Variants in MAGI2 observed in about 807,000 individuals in gnomAD.
MAGI2 encodes membrane-associated guanylate kinase, WW and PDZ domain-containing protein 2.
A neutral mutation model predicts 133.3 loss-of-function variants in MAGI2; 35 were observed. The observed-to-expected ratio is 0.26, with a 90% CI of 0.20 to 0.35. The LOEUF (loss-of-function observed/expected upper bound fraction) is 0.35, where lower values mean the gene tolerates loss of function less well. Ranked by LOEUF, MAGI2 falls within the 10% of genes least tolerant of loss-of-function variation. The pLI, the probability that MAGI2 is intolerant of heterozygous loss-of-function variation, is 1.00. For missense variants in MAGI2, 1,636 were observed against 1,863.4 expected (o/e 0.88, Z 2.25); for synonymous variants, 729 against 710.6 (o/e 1.03, Z -0.41).
chr7:79,336,300 T>A (rs1840435179), intron 1 of MAGI2, among the ~76,000 whole-genome samples: 1 of 152,084 alleles, frequency 6.6e-6, no homozygotes, highest in South Asian at 2.1e-4. Context: ...CTGACAGGAT[T>A]TGAGGCTTAT....
chr7:79,034,912 T>C (rs1810967962), intron 1 of MAGI2, among the ~76,000 whole-genome samples: 3 of 152,252 alleles, frequency 2.0e-5, no homozygotes, highest in Admixed American at 6.5e-5. Flanking sequence ...AAGATGAATT[T>C]CTTAATAACG....
chr7:78,889,841 T>A (rs1406305684), intron 2 of MAGI2, among the ~76,000 whole-genome samples: 1 of 152,154 alleles, frequency 6.6e-6, no homozygotes, highest in Non-Finnish European at 1.5e-5. Flanking sequence ...AATAACCAGC[T>A]AACATCATAA....
chr7:78,871,637 A>G (rs1403241211), intron 2 of MAGI2, among the ~76,000 whole-genome samples: 1 of 152,144 alleles, frequency 6.6e-6, no homozygotes, highest in Non-Finnish European at 1.5e-5. Flanking sequence ...ATCTAAAAGA[A>G]AAAAGACAAT....
chr7:79,222,580 T>C (rs1830521362), intron 1 of MAGI2, among the ~76,000 whole-genome samples: 1 of 152,044 alleles, frequency 6.6e-6, no homozygotes, highest in Non-Finnish European at 1.5e-5. Context: ...ACTAGACAAC[T>C]CTAACGATTA....
chr7:78,561,303 T>C (rs968092915), intron 3 of MAGI2, among the ~76,000 whole-genome samples: 4 of 152,124 alleles, frequency 2.6e-5, no homozygotes, highest in Non-Finnish European at 5.9e-5. Flanking sequence ...GAGTAGGTAG[T>C]TGAAATAGAA....
intron 1 of MAGI2, among the ~76,000 whole-genome samples, chr7:79,393,096 G>A (rs1236013916): frequency 6.6e-6 from 1 of 152,114 alleles, no homozygotes; most frequent in Non-Finnish European, 1.5e-5. Context: ...GTGTATATTT[G>A]GTTAGGAAAC....
intron 1 of MAGI2, among the ~76,000 whole-genome samples, chr7:79,313,560 G>T (rs1475256610): frequency 6.6e-6 from 1 of 152,024 alleles, no homozygotes; most frequent in Non-Finnish European, 1.5e-5. Context: ...TTGCCTTAAA[G>T]GGTATCATTT....
chr7:79,263,060 T>C (rs1834191742), intron 1 of MAGI2, among the ~76,000 whole-genome samples: 1 of 152,152 alleles, frequency 6.6e-6, no homozygotes, highest in Admixed American at 6.5e-5. Flanking sequence ...TGTTTAGAAG[T>C]AGACAACCAT....
At chr7:78,730,430 G>T in intron 2 of MAGI2, among the ~76,000 whole-genome samples, 1 of 137,652 alleles carries the variant, frequency 7.3e-6, no homozygotes, top group Non-Finnish European at 1.6e-5. Context: ...AAAAAAAAAA[G>T]AGGCATAACT....
At chr7:78,157,113 T>C (rs1824473764) in intron 16 of MAGI2, among the ~76,000 whole-genome samples, 1 of 152,208 alleles carries the variant, frequency 6.6e-6, no homozygotes, top group African/African-American at 2.4e-5. Flanking sequence ...ATGTTAAGTA[T>C]GAGGTAGCAT....
intron 1 of MAGI2, among the ~76,000 whole-genome samples, chr7:79,399,502 T>C (rs1246870817): frequency 2.0e-5 from 3 of 152,190 alleles, no homozygotes; most frequent in Non-Finnish European, 2.9e-5. Context: ...GAGCATCTTG[T>C]GGCTAGGAAA....
At chr7:78,833,803 G>A (rs1418373383) in intron 2 of MAGI2, among the ~76,000 whole-genome samples, 3 of 152,180 alleles carry the variant, frequency 2.0e-5, no homozygotes. Flanking sequence ...AAATGGGAGA[G>A]TGCTACCTGC....
intron 1 of MAGI2, among the ~76,000 whole-genome samples, chr7:79,074,659 T>G (rs1252452941): frequency 6.6e-6 from 1 of 152,202 alleles, no homozygotes; most frequent in Non-Finnish European, 1.5e-5. Context: ...GCATGAAAAG[T>G]TGAATTAAGT....
At chr7:79,165,353 G>T (rs1292499002) in intron 1 of MAGI2, among the ~76,000 whole-genome samples, 1 of 151,786 alleles carries the variant, frequency 6.6e-6, no homozygotes, top group East Asian at 1.9e-4. Flanking sequence ...TGCAATCAAA[G>T]CCCTAGACAC....
At chr7:78,768,870 T>C (rs553823248) in intron 2 of MAGI2, among the ~76,000 whole-genome samples, 1 of 152,318 alleles carries the variant, frequency 6.6e-6, no homozygotes, top group South Asian at 2.1e-4. Context: ...GATTTAAACC[T>C]GCTCTGTAGT....
At chr7:78,023,107 G>A (rs990715960) in intron 21 of MAGI2, among the ~76,000 whole-genome samples, 1 of 151,866 alleles carries the variant, frequency 6.6e-6, no homozygotes, top group African/African-American at 2.4e-5. Flanking sequence ...AGCCTGCAAA[G>A]CTCCAGGCAC....
chr7:78,860,163 G>T lies in MAGI2; in HGVS notation c.418+146927C>A, dbSNP rs189638301. On this transcript the variant is annotated intron_variant, in intron 2 of 21. Coordinates refer to ENST00000354212, the MANE Select transcript of MAGI2 (RefSeq NM_012301.4). ...GTCTAATCTTTTTTCAAGGTTTTTAGCTTCTTTGCTATGGGTTCAAACATT... is the reference window on the plus strand; with the variant it reads ...GTCTAATCTTTTTTCAAGGTTTTTATCTTCTTTGCTATGGGTTCAAACATT... 3.1e-3 allele frequency among the ~76,000 whole-genome samples: 470 copies of T among 152,198 alleles called. 3 individuals are homozygous for T. In the Middle Eastern group the frequency reaches 0.048, roughly 15 times the overall value.
At chr7:78,917,261 C>G (rs1239173578) in intron 2 of MAGI2, among the ~76,000 whole-genome samples, 4 of 151,990 alleles carry the variant, frequency 2.6e-5, no homozygotes, top group African/African-American at 7.2e-5. Flanking sequence ...AGGAGTAAAT[C>G]TGGAGAGGAG....
At chr7:79,418,881 ACACAC>A (rs202217776) in intron 1 of MAGI2, among the ~76,000 whole-genome samples, 1 of 89,912 alleles carries the variant, frequency 1.1e-5, no homozygotes, top group African/African-American at 9.8e-5. Flanking sequence ...ACACACACAC[ACACAC>A]ATTTGTCAGA....
Sources: gnomAD v4.1 joint callset for allele counts (sites outside exome capture counted in the v4.1 genomes callset) on GRCh38, gnomAD v4.1.1 for gene constraint, MANE v1.5 for transcripts, NCBI Gene and HGNC (gene_info 2026-07-23, HGNC 2026-07-21) for gene names.